PCDH15: variants seen among roughly 807,000 people sequenced by gnomAD.
The protein encoded by PCDH15 is protocadherin-15.
Under a neutral mutation model 178.5 loss-of-function variants are expected in PCDH15, and 129 were observed. The observed-to-expected ratio is 0.72, with a 90% CI of 0.63 to 0.84. The LOEUF (loss-of-function observed/expected upper bound fraction) is 0.84, where lower values mean the gene tolerates loss of function less well. Among genes scored for constraint, PCDH15 ranks in the 40% least tolerant of loss-of-function variants. The probability of loss-of-function intolerance (pLI) is 0.00; values close to 1 mark genes in which losing one functional copy is unlikely to be tolerated. For synonymous variants in PCDH15, 800 were observed against 732.0 expected, an observed-to-expected ratio of 1.09 and a Z score of -1.50; for missense variants, 2,230 against 2,099.9, an observed-to-expected ratio of 1.06 and a Z score of -1.21.
intron 2 of PCDH15, among the ~76,000 whole-genome samples, chr10:54,542,748 G>C (rs1413391689): frequency 6.6e-6 from 1 of 151,876 alleles, no homozygotes; most frequent in Non-Finnish European, 1.5e-5. Context: ...AAATGACATG[G>C]AAGGGGGAAA....
chr10:55,449,325 G>A (rs1341176991), intron 2 of PCDH15, among the ~76,000 whole-genome samples: 1 of 151,936 alleles, frequency 6.6e-6, no homozygotes, highest in African/African-American at 2.4e-5. Flanking sequence ...GGTTCCATCA[G>A]AAACAAATGC....
chr10:55,190,277 T>A (rs1470364306), intron 1 of PCDH15, among the ~76,000 whole-genome samples: 1 of 151,664 alleles, frequency 6.6e-6, no homozygotes, highest in Non-Finnish European at 1.5e-5. Flanking sequence ...AAAAAAAACT[T>A]CTGCTGTCAT....
chr10:54,892,154 TC>T (rs1954474425), intron 3 of PCDH15, among the ~76,000 whole-genome samples: 1 of 152,124 alleles, frequency 6.6e-6, no homozygotes, highest in Admixed American at 6.6e-5. Flanking sequence ...AGCATTTTTT[TC>T]ATTCAAAAGA....
chr10:54,974,891 T>A (rs564020107), intron 2 of PCDH15, among the ~76,000 whole-genome samples: 2 of 152,290 alleles, frequency 1.3e-5, no homozygotes, highest in African/African-American at 4.8e-5. Context: ...ATCCTAATTA[T>A]TATTTTTATA....
chr10:53,888,125 C>A (rs571786500), intron 26 of PCDH15, among the ~76,000 whole-genome samples: 2 of 150,940 alleles, frequency 1.3e-5, no homozygotes, highest in East Asian at 3.9e-4. Context: ...GCCCCTAACC[C>A]AACCCACTCA....
At chr10:54,477,580 A>G (rs914686074) in intron 3 of PCDH15, among the ~76,000 whole-genome samples, 1 of 152,162 alleles carries the variant, frequency 6.6e-6, no homozygotes, top group African/African-American at 2.4e-5. Context: ...GAATGAATGA[A>G]CGAATATATT....
intron 1 of PCDH15, among the ~76,000 whole-genome samples, chr10:55,235,620 C>A (rs940781657): frequency 6.6e-6 from 1 of 152,012 alleles, no homozygotes; most frequent in African/African-American, 2.4e-5. Context: ...CAATAAGAAT[C>A]TTCTGGCCAG....
chr10:54,194,145 G>A (rs1591083484), intron 11 of PCDH15, among the ~76,000 whole-genome samples: 1 of 151,636 alleles, frequency 6.6e-6, no homozygotes, highest in South Asian at 2.1e-4. Context: ...GGTGGGAAGA[G>A]GTGGAGTGCC....
At chr10:54,966,756 C>G (rs989540475) in intron 2 of PCDH15, among the ~76,000 whole-genome samples, 2 of 152,044 alleles carry the variant, frequency 1.3e-5, no homozygotes, top group African/African-American at 4.8e-5. Context: ...CATTCTCTTT[C>G]CTGCTGCCAT....
intron 1 of PCDH15, among the ~76,000 whole-genome samples, chr10:54,744,092 T>C (rs1454144510): frequency 6.6e-6 from 1 of 152,124 alleles, no homozygotes; most frequent in Non-Finnish European, 1.5e-5. Flanking sequence ...CAAAGCTGCT[T>C]CTATGTTGTG....
chr10:55,174,858 T>C (rs1212205676), intron 1 of PCDH15, among the ~76,000 whole-genome samples: 1 of 152,170 alleles, frequency 6.6e-6, no homozygotes, highest in East Asian at 1.9e-4. Flanking sequence ...GGTCCCCTTT[T>C]CTCTACAAGA....
intron 3 of PCDH15, among the ~76,000 whole-genome samples, chr10:54,505,895 A>G (rs571940757): frequency 7.2e-5 from 11 of 152,282 alleles, no homozygotes; most frequent in African/African-American, 2.6e-4. Context: ...ACAACAAATA[A>G]AATGATCAGT....
intron 1 of PCDH15, among the ~76,000 whole-genome samples, chr10:55,184,204 A>G (rs1268061216): frequency 6.6e-6 from 1 of 151,962 alleles, no homozygotes; most frequent in Non-Finnish European, 1.5e-5. Context: ...TGAAAACCAC[A>G]AAGCACTGGT....
chr10:54,555,765 GA>G (rs1180036896), intron 2 of PCDH15, among the ~76,000 whole-genome samples: 1 of 136,598 alleles, frequency 7.3e-6, no homozygotes, highest in Non-Finnish European at 1.6e-5. Flanking sequence ...GAAAAGAAAA[GA>G]AAAAAGAAAA....
At chr10:54,856,062 T>G (rs146402443) in intron 3 of PCDH15, among the ~76,000 whole-genome samples, 5 of 152,340 alleles carry the variant, frequency 3.3e-5, no homozygotes, top group African/African-American at 1.2e-4. Flanking sequence ...TTAAGATTCA[T>G]GCACAATGAT....
Position 55,626,315 on chromosome 10 carries a change from G to C in PCDH15, c.-156+1310C>G, listed in dbSNP as rs950049093. On this transcript the variant is annotated intron_variant, in intron 2 of 5. Transcript: ENST00000613346. Reference sequence around the variant, plus strand: ...TTAGTAAGGCCAGATCTTGGATCTTGCCTCCCACTGCTTTATAGGATATCC... The same window carrying C: ...TTAGTAAGGCCAGATCTTGGATCTTCCCTCCCACTGCTTTATAGGATATCC... 2.9e-4 allele frequency among the ~76,000 whole-genome samples: 44 copies of C among 152,296 alleles called. 1 individual carries two copies. The highest frequency in any genetic ancestry group is 2.6e-3 in the Admixed American group (40 of 15,288).
chr10:54,355,121 A>C (rs2583036), intron 5 of PCDH15, among the ~76,000 whole-genome samples: 982 of 26,996 alleles, frequency 0.036, 4 homozygotes, highest in Non-Finnish European at 0.054. Context: ...GGAGGATTGC[A>C]AAAAAAAAAA....
intron 18 of PCDH15, among the ~76,000 whole-genome samples, chr10:54,051,883 A>G (rs1177130994): frequency 6.6e-6 from 1 of 151,932 alleles, no homozygotes; most frequent in East Asian, 1.9e-4. Flanking sequence ...ATAGTTCCCC[A>G]TGTTCTGCCT....
chr10:54,106,958 G>A (rs747614128), intron 15 of PCDH15, among the ~76,000 whole-genome samples: 2 of 152,122 alleles, frequency 1.3e-5, no homozygotes, highest in African/African-American at 2.4e-5. Flanking sequence ...AAGAAATATT[G>A]AATCTGGTGA....
Sources: allele counts gnomAD v4.1 joint callset (sites outside exome capture counted in the v4.1 genomes callset), GRCh38; gene constraint gnomAD v4.1.1; transcripts MANE v1.5; gene names NCBI Gene and HGNC (gene_info 2026-07-23, HGNC 2026-07-21).